The following EYS variants were observed in gnomAD, a reference collection of about 807,000 sequenced individuals.
EYS encodes the protein EGF-like photoreceptor maintenance factor, also known as protein eyes shut homolog.
In EYS, 250 loss-of-function variants were observed where a neutral mutation model predicts 282.1. That is an observed-to-expected ratio of 0.89 (90% confidence interval 0.80 to 0.98). The LOEUF (loss-of-function observed/expected upper bound fraction) is 0.98. Among genes scored for constraint, EYS ranks in the 50% least tolerant of loss-of-function variants. EYS has a pLI of 0.00. For missense variants in EYS, 4,016 were observed against 3,709.0 expected, an observed-to-expected ratio of 1.08 and a Z score of -2.15; for synonymous variants, 1,355 against 1,282.9, an observed-to-expected ratio of 1.06 and a Z score of -1.20.
chr6:64,626,140 A>G lies in EYS; in HGVS notation c.3549T>C (p.Tyr1183=). The change falls in exon 23 of 43, where the codon TAT becomes TAC. Residue 1183 remains tyrosine (Y), a synonymous_variant. Coordinates refer to ENST00000503581, the MANE Select transcript of EYS (RefSeq NM_001142800.2). ...AATTACCTGGTTGGCATTTGCAAAC[A>G]TATCCATTGATGTGATCTTCACAGT... The part of the protein sequence containing the change: ...GADCEDHING[Y]VCKCQPGWSG... The G allele has an allele frequency of 1.3e-6, 2 of 1,544,382 alleles. No individual in the cohort carries two copies. The highest frequency in any genetic ancestry group is 2.4e-5 in the East Asian group (1 of 40,820).
intron 21 of EYS, 32 bp downstream of exon 21, chr6:64,821,613 T>C (rs1257091387): frequency 8.7e-7 from 1 of 1,153,762 alleles, no homozygotes; most frequent in Non-Finnish European, 1.2e-6. Context: ...TAAATTTTTG[T>C]CATATAACTT....
intron 11 of EYS, among the ~76,000 whole-genome samples, chr6:65,307,899 C>T (rs1238908062): frequency 6.8e-6 from 1 of 146,806 alleles, no homozygotes; most frequent in Non-Finnish European, 1.5e-5. Context: ...AAGTTTTCTT[C>T]TCTCTCCCCC....
At chr6:65,011,487 C>T (rs1561920076) in intron 13 of EYS, among the ~76,000 whole-genome samples, 1 of 152,170 alleles carries the variant, frequency 6.6e-6, no homozygotes, top group Non-Finnish European at 1.5e-5. Context: ...GACCAGCTAG[C>T]CCATGCTCTG....
At chr6:65,494,022 G>A (rs1054434582) in intron 4 of EYS, among the ~76,000 whole-genome samples, 3 of 152,088 alleles carry the variant, frequency 2.0e-5, no homozygotes, top group Non-Finnish European at 2.9e-5. Flanking sequence ...AATTCATTCA[G>A]TGACTAAAAG....
chr6:65,087,313 T>C (rs2150175277), intron 12 of EYS, among the ~76,000 whole-genome samples: 1 of 152,250 alleles, frequency 6.6e-6, no homozygotes. Context: ...TTATTTTCCA[T>C]TATTCCACCA....
intron 39 of EYS, among the ~76,000 whole-genome samples, chr6:63,783,946 T>C (rs1191058367): frequency 6.6e-6 from 1 of 152,134 alleles, no homozygotes; most frequent in Non-Finnish European, 1.5e-5. Context: ...CAGATTGCCC[T>C]CCCTAATGTG....
In EYS at chr6:63,721,577, A is replaced by G; in HGVS notation, c.8454T>C (p.Asn2818=). 1 of 1,551,704 alleles carries G rather than the reference A, an allele frequency of 6.4e-7. No homozygotes were observed. The highest frequency in any genetic ancestry group is 8.7e-7 in the Non-Finnish European group (1 of 1,146,804). The part of the protein sequence containing the change: ...ASTKMSSLDT[N]TDFYIGGVSS... ...ATACTCCTCCAATATAGAAGTCTGT[A>G]TTTGTGTCCAGAGAACTCATTTTAG... The change falls in exon 43 of 43, where the codon AAT becomes AAC. Residue 2818 remains asparagine (N), a synonymous_variant. Transcript: ENST00000503581.
chr6:64,270,804 T>A (rs1767917499), intron 30 of EYS, among the ~76,000 whole-genome samples: 1 of 152,188 alleles, frequency 6.6e-6, no homozygotes, highest in Non-Finnish European at 1.5e-5. Context: ...AACAAAGCAT[T>A]CCCTATTTTT....
chr6:65,147,776 A>G (rs1308955199), intron 12 of EYS, among the ~76,000 whole-genome samples: 1 of 152,108 alleles, frequency 6.6e-6, no homozygotes, highest in Non-Finnish European at 1.5e-5. Flanking sequence ...TATAAAGAAA[A>G]ATAGTTTAAT....
At chr6:65,404,103 T>G (rs1424191960) in intron 6 of EYS, among the ~76,000 whole-genome samples, 2 of 152,010 alleles carry the variant, frequency 1.3e-5, no homozygotes, top group Admixed American at 6.6e-5. Flanking sequence ...TACAGGAAAA[T>G]GTTCCCCTGA....
intron 35 of EYS, among the ~76,000 whole-genome samples, chr6:63,886,666 C>A (rs1397709557): frequency 6.6e-6 from 1 of 152,122 alleles, no homozygotes; most frequent in African/African-American, 2.4e-5. Flanking sequence ...TCTTATAACA[C>A]TTCGATCTAT....
intron 31 of EYS, among the ~76,000 whole-genome samples, chr6:64,198,729 A>T (rs1250089357): frequency 6.6e-6 from 1 of 152,120 alleles, no homozygotes; most frequent in Non-Finnish European, 1.5e-5. Context: ...TCTATCACTG[A>T]TGGGTATTTG....
rs192779734 is a variant in EYS, at chr6:64,717,358, A to G, written c.3444-91113T>C. Among the ~76,000 whole-genome samples, 491 of 152,280 alleles carry G rather than the reference A, an allele frequency of 3.2e-3. 4 individuals are homozygous for G. The highest frequency in any genetic ancestry group is 1.6e-3 in the Non-Finnish European group (108 of 68,026). Reference sequence around the variant, plus strand: ...TTTGCAGCTGCTCCCCATTGCTCATATCACCACCTCAGCTCCACCTTAGAT... The same window carrying G: ...TTTGCAGCTGCTCCCCATTGCTCATGTCACCACCTCAGCTCCACCTTAGAT... On this transcript the variant is annotated intron_variant, in intron 22 of 42. Coordinates refer to ENST00000503581, the MANE Select transcript of EYS (RefSeq NM_001142800.2).
At chr6:64,040,089 C>T (rs1770313949) in intron 33 of EYS, among the ~76,000 whole-genome samples, 2 of 152,116 alleles carry the variant, frequency 1.3e-5, no homozygotes, top group Admixed American at 6.5e-5. Context: ...TAATCAGTTC[C>T]AAGTTAGAAC....
intron 7 of EYS, among the ~76,000 whole-genome samples, chr6:65,394,889 G>A (rs949666395): frequency 2.6e-5 from 4 of 151,778 alleles, no homozygotes; most frequent in Admixed American, 6.6e-5. Flanking sequence ...CTCATGTCCC[G>A]TCCTCTTCCT....
chr6:64,908,300 T>C (rs956177049), intron 16 of EYS, among the ~76,000 whole-genome samples: 2 of 152,252 alleles, frequency 1.3e-5, no homozygotes, highest in South Asian at 4.1e-4. Context: ...CCAGGTGTGT[T>C]GCCTTGGCGG....
intron 28 of EYS, among the ~76,000 whole-genome samples, chr6:64,418,764 G>C (rs1774136214): frequency 6.7e-6 from 1 of 149,080 alleles, no homozygotes; most frequent in Non-Finnish European, 1.5e-5. Flanking sequence ...TATAATTGAG[G>C]GAAGGTTCTG....
chr6:64,986,909 G>C (rs1770878562), intron 14 of EYS, among the ~76,000 whole-genome samples: 2 of 151,176 alleles, frequency 1.3e-5, no homozygotes, highest in South Asian at 4.2e-4. Context: ...ACAGAAATCT[G>C]TTGATTAAGC....
intron 31 of EYS, among the ~76,000 whole-genome samples, chr6:64,219,237 T>A (rs1766019081): frequency 6.6e-6 from 1 of 152,050 alleles, no homozygotes; most frequent in Non-Finnish European, 1.5e-5. Context: ...GGCAGAAGGG[T>A]GTGGACAGTT....
Sources: gnomAD v4.1 joint callset for allele counts (sites outside exome capture counted in the v4.1 genomes callset) on GRCh38, gnomAD v4.1.1 for gene constraint, MANE v1.5 for transcripts, NCBI Gene and HGNC (gene_info 2026-07-23, HGNC 2026-07-21) for gene names.